Variants in PIEZO1 observed in about 807,000 individuals in gnomAD.
The protein encoded by PIEZO1 is piezo type mechanosensitive ion channel component 1 (Er blood group).
PIEZO1 carries 296 observed loss-of-function variants against 297.2 expected under a neutral mutation model. The observed-to-expected ratio is 1.00, with a 90% CI of 0.91 to 1.10. The LOEUF is 1.10. PIEZO1 is among the 50% of genes least tolerant of loss of function. PIEZO1 has a pLI of 0.00. For synonymous variants in PIEZO1, 2,427 were observed against 1,507.5 expected (o/e 1.61, Z -14.13); for missense variants, 5,018 against 3,455.5 (o/e 1.45, Z -11.34).
intron 2 of PIEZO1, among the ~76,000 whole-genome samples, chr16:88,747,223 C>A (rs1024235802): frequency 6.7e-6 from 1 of 149,050 alleles, no homozygotes; most frequent in Non-Finnish European, 1.5e-5. Flanking sequence ...CAAGCAAGAC[C>A]CCCACTCGAA....
At chr16:88,778,438 G>A (rs1328471817) in intron 1 of PIEZO1, among the ~76,000 whole-genome samples, 2 of 152,308 alleles carry the variant, frequency 1.3e-5, no homozygotes, top group Middle Eastern at 3.4e-3. Context: ...AAACCCTGCC[G>A]GCCCGTCAGA....
rs955156231 is a variant in PIEZO1, at chr16:88,722,355, G to A, written c.4818C>T (p.Asp1606=). 2.7e-5 allele frequency: 42 copies of A among 1,532,162 alleles called. No individual in the cohort carries two copies. In the African/African-American group the frequency reaches 4.8e-4, roughly 18 times the overall value. 94.9% of individuals were successfully genotyped at this position (1,532,162 alleles called of 1,614,324 possible). Residue 1606 remains aspartate (D), a synonymous_variant, in exon 36 of 51, where the codon GAC becomes GAT. Coordinates refer to ENST00000301015, the MANE Select transcript of PIEZO1 (RefSeq NM_001142864.4). The part of the protein sequence containing the change: ...AEEPLSSMTD[D]MGSPLSTGYH... ...AGCCGGTGCTCAGGGGGCTGCCCAT[G>A]TCGTCTGTCATGCTGCTGAGTGGCT...
intron 1 of PIEZO1, among the ~76,000 whole-genome samples, chr16:88,781,412 C>T (rs1907931862): frequency 6.6e-6 from 1 of 152,246 alleles, no homozygotes; most frequent in Non-Finnish European, 1.5e-5. Context: ...TGGGCAGTCC[C>T]TGGCCCCTTC....
rs1319976659 is a variant in PIEZO1 at position 88,721,252 on chromosome 16, A to C, written c.5582T>G (p.Leu1861Arg). The C allele has an allele frequency of 1.9e-6, 3 of 1,542,594 alleles. No individual in the cohort carries two copies. The highest frequency in any genetic ancestry group is 1.7e-6 in the Non-Finnish European group (2 of 1,146,336). The change falls in exon 39 of 51, where the codon CTC becomes CGC. Residue 1861 changes from leucine to arginine, a missense_variant. Leu to Arg is a moderately radical substitution (Grantham distance 102). Transcript: ENST00000301015. ...TDGTPEPQVELRPRDTRRISL... is the reference protein window; with the variant it reads ...TDGTPEPQVERRPRDTRRISL... Reference sequence around the variant, plus strand: ...GATGCGCCTCGTATCACGGGGCCTGAGCTCCACTTGGGGTTCTGGGGTCCC... The same window carrying C: ...GATGCGCCTCGTATCACGGGGCCTGCGCTCCACTTGGGGTTCTGGGGTCCC...
Position 88,734,063 on chromosome 16 carries a change from G to T in PIEZO1, c.2181-9C>A. The T allele has an allele frequency of 3.3e-6, 5 of 1,498,246 alleles. No individual in the cohort carries two copies. The highest frequency in any genetic ancestry group is 4.5e-6 in the Non-Finnish European group (5 of 1,115,718). 92.8% of individuals were successfully genotyped at this position (1,498,246 alleles called of 1,614,324 possible). A position where few individuals can be genotyped will look rare whatever the true frequency, so the allele number is the denominator to read the frequency against. On this transcript the variant is annotated splice_polypyrimidine_tract_variant and intron_variant, in intron 16 of 50. Transcript: ENST00000301015. ...CACTCACTGCATCCTGCCTGGGAGA[G>T]GGTCCGAAAATGTCATCTCCCAACT...
At chr16:88,754,747 C>T (rs1475782762) in intron 1 of PIEZO1, among the ~76,000 whole-genome samples, 1 of 152,242 alleles carries the variant, frequency 6.6e-6, no homozygotes, top group Non-Finnish European at 1.5e-5. Flanking sequence ...TGACCCCACA[C>T]TGCCGGGGCC....
chr16:88,734,192 CTG>C, intron 16 of PIEZO1, 138 bp from the exon 17 acceptor site: 4 of 1,243,098 alleles, frequency 3.2e-6, no homozygotes, highest in Non-Finnish European at 4.4e-6. Context: ...CTCATGCCCA[CTG>C]TCCCTGTGAC....
In PIEZO1 at chr16:88,717,043, G is replaced by A; in HGVS notation, c.6640C>T (p.Leu2214=). Residue 2214 remains leucine, a synonymous_variant, in exon 45 of 51, where the codon CTG becomes TTG. Transcript: ENST00000301015. ...CTCACCTCATAGCCGCCCAGCTTCAGGGTGACGGTGACATCGATGGGCTGG... is the reference window on the plus strand; with the variant it reads ...CTCACCTCATAGCCGCCCAGCTTCAAGGTGACGGTGACATCGATGGGCTGG... ...VNQPIDVTVT[L]KLGGYEPLFT... The A allele has an allele frequency of 6.4e-7, 1 of 1,550,736 alleles. No individual in the cohort carries two copies. Among genetic ancestry groups the A allele is most frequent in the Non-Finnish European group, 8.7e-7 (1 of 1,146,994 alleles).
intron 1 of PIEZO1, among the ~76,000 whole-genome samples, chr16:88,784,057 C>G (rs951573610): frequency 6.6e-6 from 1 of 152,204 alleles, no homozygotes; most frequent in Non-Finnish European, 1.5e-5. Context: ...CCCTGGGTCC[C>G]GGCTAGGCCA....
At chr16:88,747,055 T>C (rs1419212845) in intron 2 of PIEZO1, among the ~76,000 whole-genome samples, 2 of 152,118 alleles carry the variant, frequency 1.3e-5, no homozygotes, top group Non-Finnish European at 2.9e-5. Flanking sequence ...CACCCCTGAA[T>C]TCTACCCATG....
chr16:88,716,722 G>A lies in PIEZO1; in HGVS notation c.6763C>T (p.Gln2255Ter). Residue 2255 changes from glutamine (Q) to a stop codon, truncating the protein, a stop_gained, in exon 47 of 51, where the codon CAG becomes TAG. Coordinates refer to ENST00000301015, the MANE Select transcript of PIEZO1 (RefSeq NM_001142864.4). LOFTEE classifies it high-confidence loss of function. ...RQFDPQPLAMQFISQYSPEDI... is the reference protein window; with the variant it reads ...RQFDPQPLAM ...TCAGGGCTGTACTGGCTGATGAACT[G>A]CATGGCCAGCTGGGTACAAGTGACA... The A allele has an allele frequency of 1.9e-6, 3 of 1,547,956 alleles. No homozygotes were observed. Among genetic ancestry groups the A allele is most frequent in the South Asian group, 1.2e-5 (1 of 84,050 alleles).
chr16:88,745,292 C>G (rs992464944), intron 2 of PIEZO1: 1 of 151,330 alleles, frequency 6.6e-6, no homozygotes, highest in Non-Finnish European at 1.5e-5. Context: ...AGGCTCAGGC[C>G]AGGGACCCGC....
At chr16:88,722,809 G>T (rs1164961533) in intron 34 of PIEZO1, 28 bp downstream of exon 34, 2 of 1,539,840 alleles carry the variant, frequency 1.3e-6, no homozygotes, top group Admixed American at 2.0e-5. Flanking sequence ...GCAGAGCAGG[G>T]ACGAGCGTGG....
At chr16:88,776,005 G>A (rs1018838267) in intron 1 of PIEZO1, among the ~76,000 whole-genome samples, 1 of 152,200 alleles carries the variant, frequency 6.6e-6, no homozygotes, top group African/African-American at 2.4e-5. Context: ...TCCAGCATGC[G>A]CAGCACAGGC....
intron 27 of PIEZO1, chr16:88,726,059 C>CT (rs1904401650): frequency 8.6e-6 from 5 of 581,200 alleles, no homozygotes; most frequent in Admixed American, 6.4e-5. Context: ...CACCAGCCAC[C>CT]GTCAGCACTG....
Position 88,721,268 on chromosome 16 carries a change from C to T in PIEZO1, c.5566G>A (p.Glu1856Lys). ...ARVGPTDGTP[E>K]PQVELRPRDT... ...CGGGGCCTGAGCTCCACTTGGGGTT[C>T]TGGGGTCCCGTCCGTGGGTCCGACC... The change falls in exon 39 of 51, where the codon GAA (glutamate) becomes AAA (lysine). Residue 1856 changes from glutamate to lysine, a missense_variant. Transcript: ENST00000301015. 2 of 1,544,002 alleles carry T rather than the reference C, an allele frequency of 1.3e-6. No individual in the cohort carries two copies. The highest frequency in any genetic ancestry group is 1.2e-5 in the South Asian group (1 of 84,040).
chr16:88,726,883 C>G lies in PIEZO1; in HGVS notation c.3531G>C (p.Thr1177=), dbSNP rs772238783. The G allele has an allele frequency of 6.4e-7, 1 of 1,550,402 alleles. No homozygotes were observed. Among genetic ancestry groups the G allele is most frequent in the South Asian group, 1.2e-5 (1 of 84,058 alleles). Residue 1177 remains threonine, a synonymous_variant, in exon 25 of 51, where the codon ACG becomes ACC. Coordinates refer to ENST00000301015, the MANE Select transcript of PIEZO1 (RefSeq NM_001142864.4). ...FWLVLVVVFV[T]GATRISIFGL... is the part of the protein sequence containing the mutation. ...CGAAGATGCTGATGCGGGTGGCCCCCGTGACAAACACCACCACCAGCACCA... is the reference window on the plus strand; with the variant it reads ...CGAAGATGCTGATGCGGGTGGCCCCGGTGACAAACACCACCACCAGCACCA...
At chr16:88,753,058 G>A (rs1303647917) in intron 1 of PIEZO1, among the ~76,000 whole-genome samples, 1 of 150,526 alleles carries the variant, frequency 6.6e-6, no homozygotes, top group African/African-American at 2.4e-5. Context: ...GAGGAAGAGG[G>A]CTACTTAGCC....
chr16:88,727,693 CGGGCCTGCCTG>C lies in PIEZO1; in HGVS notation c.3197-43_3197-33del, dbSNP rs1035775022. The C allele has an allele frequency of 4.2e-6, 5 of 1,185,054 alleles. No individual in the cohort carries two copies. In the African/African-American group the frequency reaches 7.8e-5, roughly 18 times the overall value. The allele number at this position is 1,185,054 out of a possible 1,614,324, so 73.4% of individuals were successfully genotyped here. On this transcript the variant is annotated intron_variant, in intron 22 of 50. Coordinates refer to ENST00000301015, the MANE Select transcript of PIEZO1 (RefSeq NM_001142864.4). ...GAAGGGGTGTCATGTCAGGAAGGGC[CGGGCCTGCCTG>C]GGGCCTGAGACACCCGGTCCCCACC...
Sources: allele counts gnomAD v4.1 joint callset (sites outside exome capture counted in the v4.1 genomes callset), GRCh38; gene constraint gnomAD v4.1.1; transcripts MANE v1.5; gene names NCBI Gene and HGNC (gene_info 2026-07-23, HGNC 2026-07-21).